MECR: variants seen among roughly 807,000 people sequenced by gnomAD.
MECR encodes mitochondrial trans-2-enoyl-CoA reductase.
In MECR, 37 loss-of-function variants were observed where a neutral mutation model predicts 49.1. The observed-to-expected ratio is 0.75, with a 90% CI of 0.58 to 0.99. The LOEUF (loss-of-function observed/expected upper bound fraction) is 0.99. MECR is among the 50% of genes least tolerant of loss of function. The pLI is 0.00. For missense variants in MECR, 470 were observed against 479.6 expected (o/e 0.98, Z 0.19); for synonymous variants, 198 against 191.1 (o/e 1.04, Z -0.30).
Position 29,216,041 on chromosome 1 carries a change from G to A in MECR, c.370C>T (p.Pro124Ser), listed in dbSNP as rs757058811. Residue 124 changes from proline (P) to serine (S), a missense_variant, in exon 3 of 10, where the codon CCA becomes TCA. Pro to Ser is a moderately conservative substitution (Grantham distance 74, BLOSUM62 -1). Coordinates refer to ENST00000263702, the MANE Select transcript of MECR (RefSeq NM_016011.5). Reference sequence around the variant, plus strand: ...TTTGCTGGAATCACCCAGTCTCCTGGCTTCAGCCCGGTCACATTGCTGCCC... The same window carrying A: ...TTTGCTGGAATCACCCAGTCTCCTGACTTCAGCCCGGTCACATTGCTGCCC... ...AVGSNVTGLK[P>S]GDWVIPANAG... 2 of 1,614,100 alleles carry A rather than the reference G, an allele frequency of 1.2e-6. No individual in the cohort carries two copies. Among genetic ancestry groups the A allele is most frequent in the Non-Finnish European group, 1.7e-6 (2 of 1,179,986 alleles).
At chr1:29,197,249 AG>A (rs1674226962) in intron 7 of MECR, among the ~76,000 whole-genome samples, 1 of 152,190 alleles carries the variant, frequency 6.6e-6, no homozygotes, top group African/African-American at 2.4e-5. Context: ...TCTCACTTAC[AG>A]GTGTCCGACC....
the MECR span, among the ~76,000 whole-genome samples, chr1:29,175,687 GCTGT>G: frequency 1.7e-5 from 1 of 59,892 alleles, no homozygotes. Flanking sequence ...AGAGCCAGAC[GCTGT>G]CTCAAAAAAA....
chr1:29,180,030 T>C, the MECR span, among the ~76,000 whole-genome samples: 2 of 152,244 alleles, frequency 1.3e-5, no homozygotes, highest in Non-Finnish European at 2.9e-5. Context: ...TGTTTCCTCA[T>C]CCCTCTGATT....
At chr1:29,219,521 C>T (rs1373798541) in intron 1 of MECR, among the ~76,000 whole-genome samples, 2 of 152,056 alleles carry the variant, frequency 1.3e-5, no homozygotes, top group Non-Finnish European at 2.9e-5. Context: ...AAAAAAATCA[C>T]TTGCTCAGTA....
chr1:29,222,518 G>A (rs571709685), intron 1 of MECR, among the ~76,000 whole-genome samples: 19 of 152,296 alleles, frequency 1.2e-4, no homozygotes, highest in African/African-American at 4.1e-4. Flanking sequence ...AGAAACCCAT[G>A]TGGCCTGTGT....
intron 5 of MECR, among the ~76,000 whole-genome samples, 158 bp downstream of exon 5, chr1:29,202,973 G>A (rs1007525585): frequency 6.6e-6 from 1 of 152,122 alleles, no homozygotes; most frequent in African/African-American, 2.4e-5. Flanking sequence ...CATTTCTTAG[G>A]ACTGACTCAT....
chr1:29,176,159 G>A, the MECR span, among the ~76,000 whole-genome samples: 5 of 152,260 alleles, frequency 3.3e-5, no homozygotes, highest in South Asian at 2.1e-4. Flanking sequence ...GGCTGAGGCA[G>A]GAGAATTGCT....
downstream of MECR, among the ~76,000 whole-genome samples, chr1:29,190,798 TAAAA>T (rs1196883134): frequency 1.3e-3 from 97 of 74,306 alleles, no homozygotes; most frequent in South Asian, 3.6e-3. Flanking sequence ...TCTCTCCAAA[TAAAA>T]AAAAAAAAAA....
chr1:29,186,803 T>C, the MECR span, among the ~76,000 whole-genome samples: 2 of 152,336 alleles, frequency 1.3e-5, no homozygotes, highest in South Asian at 4.1e-4. Context: ...TGACCAGATA[T>C]GGTCAGGGGA....
intron 7 of MECR, 48 bp from the exon 8 acceptor site, chr1:29,196,306 G>A (rs1234532116): frequency 6.5e-7 from 1 of 1,539,246 alleles, no homozygotes. Context: ...CAGAGACAGA[G>A]CCCTTCCTGA....
intron 3 of MECR, 63 bp from the exon 4 acceptor site, chr1:29,206,968 C>T: frequency 6.3e-7 from 1 of 1,589,134 alleles, no homozygotes; most frequent in Non-Finnish European, 8.6e-7. Context: ...AACCCCAGCT[C>T]ACCCTCCTTG....
chr1:29,203,008 G>A (rs1675691901), intron 5 of MECR, 123 bp downstream of exon 5: 5 of 684,370 alleles, frequency 7.3e-6, no homozygotes, highest in South Asian at 2.0e-5. Flanking sequence ...AACTGTTAGC[G>A]ATGCCTAAAG....
intron 1 of MECR, among the ~76,000 whole-genome samples, chr1:29,228,165 C>A (rs1278510632): frequency 6.6e-6 from 1 of 151,920 alleles, no homozygotes; most frequent in African/African-American, 2.4e-5. Flanking sequence ...CCCTTGAGCC[C>A]AGGAGTTCAA....
At chr1:29,220,818 G>T in intron 1 of MECR, 1 of 707,034 alleles carries the variant, frequency 1.4e-6, no homozygotes, top group Non-Finnish European at 1.7e-6. Flanking sequence ...TGTATGTAAA[G>T]CATTTATGGT....
intron 1 of MECR, among the ~76,000 whole-genome samples, chr1:29,220,289 T>C (rs1680465940): frequency 6.6e-6 from 1 of 150,812 alleles, no homozygotes; most frequent in Admixed American, 6.6e-5. Context: ...TAGTTCCAGC[T>C]ATCTGGGAGG....
chr1:29,196,336 C>A, intron 7 of MECR, 78 bp from the exon 8 acceptor site: 1 of 1,281,702 alleles, frequency 7.8e-7, no homozygotes. Context: ...GGCGCTTCTA[C>A]TCCAACCCTG....
At chr1:29,197,094 A>G (rs139186234) in intron 7 of MECR, among the ~76,000 whole-genome samples, 78 of 152,286 alleles carry the variant, frequency 5.1e-4, no homozygotes, top group African/African-American at 1.8e-3. Context: ...AAACACACAC[A>G]CACACCCGCT....
At chr1:29,191,007 T>A (rs1161166994), downstream of MECR, among the ~76,000 whole-genome samples, 1 of 152,138 alleles carries the variant, frequency 6.6e-6, no homozygotes, top group Non-Finnish European at 1.5e-5. Context: ...AAATACCCTG[T>A]CTCTGTAACT....
At chr1:29,196,396 A>G in intron 7 of MECR, 138 bp from the exon 8 acceptor site, 2 of 804,606 alleles carry the variant, frequency 2.5e-6, no homozygotes, top group Non-Finnish European at 3.9e-6. Flanking sequence ...GTTGAAAAAT[A>G]CAGATTCCAG....
Sources: gnomAD v4.1 joint callset for allele counts (sites outside exome capture counted in the v4.1 genomes callset) on GRCh38, gnomAD v4.1.1 for gene constraint, MANE v1.5 for transcripts, NCBI Gene and HGNC (gene_info 2026-07-23, HGNC 2026-07-21) for gene names.